The following OXR1 variants were observed in gnomAD, a reference collection of about 807,000 sequenced individuals.
OXR1 encodes oxidation resistance 1.
Under a neutral mutation model 104.6 loss-of-function variants are expected in OXR1, and 41 were observed. The observed-to-expected ratio is 0.39, with a 90% CI of 0.31 to 0.51. The LOEUF is 0.51. OXR1 is among the 20% of genes least tolerant of loss of function. The probability of loss-of-function intolerance (pLI) is 0.77; values close to 1 mark genes in which losing one functional copy is unlikely to be tolerated. For synonymous variants in OXR1, 348 were observed against 348.4 expected (o/e 1.00, Z 0.01); for missense variants, 955 against 1,031.9 (o/e 0.93, Z 1.02).
intron 1 of OXR1, among the ~76,000 whole-genome samples, chr8:106,353,693 G>A (rs1815835882): frequency 6.6e-6 from 1 of 151,910 alleles, no homozygotes; most frequent in South Asian, 2.1e-4. Context: ...GCTAAATCAA[G>A]CTAATGAACA....
chr8:106,532,739 A>G (rs1814186917), intron 3 of OXR1, among the ~76,000 whole-genome samples: 1 of 152,230 alleles, frequency 6.6e-6, no homozygotes, highest in Non-Finnish European at 1.5e-5. Flanking sequence ...ACTTGAAGCC[A>G]TAGAAGCTAA....
At chr8:106,297,215 T>G (rs1212943033) in intron 1 of OXR1, among the ~76,000 whole-genome samples, 1 of 152,194 alleles carries the variant, frequency 6.6e-6, no homozygotes, top group East Asian at 1.9e-4. Context: ...ATGAATGGAC[T>G]CAGATTTTAT....
intron 2 of OXR1, among the ~76,000 whole-genome samples, chr8:106,426,549 T>C (rs1348905913): frequency 2.0e-5 from 3 of 152,220 alleles, no homozygotes; most frequent in Admixed American, 2.0e-4. Flanking sequence ...TTGAGTAATT[T>C]CTGACTTCAT....
chr8:106,572,820 G>A (rs950753101), intron 3 of OXR1, among the ~76,000 whole-genome samples: 8 of 152,118 alleles, frequency 5.3e-5, no homozygotes, highest in Non-Finnish European at 2.9e-5. Context: ...ACTTCCACGT[G>A]TTTAAGTATT....
intron 10 of OXR1, among the ~76,000 whole-genome samples, chr8:106,711,965 CAT>C (rs1331643529): frequency 6.6e-6 from 1 of 152,056 alleles, no homozygotes; most frequent in African/African-American, 2.4e-5. Flanking sequence ...AGTAAAATAT[CAT>C]AGGAAATGCC....
intron 1 of OXR1, among the ~76,000 whole-genome samples, chr8:106,306,706 C>T (rs1563707792): frequency 6.6e-6 from 1 of 152,078 alleles, no homozygotes; most frequent in African/African-American, 2.4e-5. Flanking sequence ...CTAGAACAGA[C>T]ATCAGAAGAG....
chr8:106,463,210 T>C (rs1431487306), intron 2 of OXR1, among the ~76,000 whole-genome samples: 1 of 152,118 alleles, frequency 6.6e-6, no homozygotes, highest in Non-Finnish European at 1.5e-5. Context: ...CTCGATGCTC[T>C]CCTTACTTAA....
chr8:106,437,522 G>A (rs1819626559), intron 2 of OXR1, among the ~76,000 whole-genome samples: 1 of 152,162 alleles, frequency 6.6e-6, no homozygotes, highest in Non-Finnish European at 1.5e-5. Context: ...CTGATTTAGA[G>A]GACAGTACTC....
chr8:106,497,802 G>GTGTA (rs1811513730), intron 2 of OXR1, among the ~76,000 whole-genome samples: 1 of 145,210 alleles, frequency 6.9e-6, no homozygotes, highest in Non-Finnish European at 1.5e-5. Context: ...GTGTGTGTGT[G>GTGTA]TGTGCACACG....
intron 3 of OXR1, among the ~76,000 whole-genome samples, chr8:106,547,495 T>TC (rs1269547932): frequency 2.4e-5 from 3 of 125,854 alleles, no homozygotes; most frequent in African/African-American, 8.5e-5. Context: ...TTTCTTTCTT[T>TC]TTTTTTTTTT....
Position 106,706,555 on chromosome 8 carries a change from C to A in OXR1, c.1034C>A (p.Ser345Tyr), listed in dbSNP as rs1831162541. 1 of 1,610,336 alleles carries A rather than the reference C, an allele frequency of 6.2e-7. No homozygotes were observed. The highest frequency in any genetic ancestry group is 1.3e-5 in the African/African-American group (1 of 74,558). The change falls in exon 9 of 17, where the codon TCC (serine) becomes TAC (tyrosine). Residue 345 changes from serine (S) to tyrosine (Y), a missense_variant. By Grantham distance (144) the Ser-to-Tyr change is moderately radical. Transcript: ENST00000517566. ...SEDVFTESEL[S>Y]PIREELVSSD... ...GATGTGTTCACAGAATCAGAACTTT[C>A]CCCTATACGAGAGGAGCTTGTATCT...
At chr8:106,621,482 TG>T (rs1326637524) in intron 3 of OXR1, among the ~76,000 whole-genome samples, 2 of 151,754 alleles carry the variant, frequency 1.3e-5, no homozygotes, top group Admixed American at 6.6e-5. Flanking sequence ...TGAATTGTAT[TG>T]GTTTTCACAG....
intron 2 of OXR1, among the ~76,000 whole-genome samples, chr8:106,433,060 A>T (rs548697838): frequency 1.3e-5 from 2 of 152,302 alleles, no homozygotes; most frequent in South Asian, 4.1e-4. Flanking sequence ...ATAAAGAGTA[A>T]TTCACTCAGA....
rs537153107 is a variant in OXR1 at position 106,624,551 on chromosome 8, G to A, written c.221-54659G>A. On this transcript the variant is annotated intron_variant, in intron 3 of 16. Coordinates refer to ENST00000517566, the MANE Select transcript of OXR1 (RefSeq NM_001198533.2). Reference sequence around the variant, plus strand: ...ACCAGTAAGATGGGACAGAGTGGTAGGGGTACAAAAATGAGGTCTCAGAGA... The same window carrying A: ...ACCAGTAAGATGGGACAGAGTGGTAAGGGTACAAAAATGAGGTCTCAGAGA... Among the ~76,000 whole-genome samples, 5 of 152,248 alleles carry A rather than the reference G, an allele frequency of 3.3e-5. No individual in the cohort carries two copies. The East Asian group carries it at 9.7e-4, about 29-fold the overall frequency.
intron 3 of OXR1, among the ~76,000 whole-genome samples, chr8:106,632,619 A>G (rs1361199126): frequency 6.6e-6 from 1 of 151,406 alleles, no homozygotes; most frequent in Non-Finnish European, 1.5e-5. Flanking sequence ...CTTTTTTTTT[A>G]TTTCAATTGT....
At chr8:106,390,850 T>C (rs563487588) in intron 2 of OXR1, among the ~76,000 whole-genome samples, 2 of 152,192 alleles carry the variant, frequency 1.3e-5, no homozygotes, top group East Asian at 3.9e-4. Flanking sequence ...TCCAATATAG[T>C]TTGGTCTTAA....
chr8:106,386,618 T>G (rs1224829154), intron 2 of OXR1, among the ~76,000 whole-genome samples: 4 of 152,312 alleles, frequency 2.6e-5, no homozygotes, highest in African/African-American at 9.6e-5. Context: ...GTCTTTGTTT[T>G]TCTTCTCCTG....
intron 2 of OXR1, among the ~76,000 whole-genome samples, chr8:106,475,951 C>A (rs1563547214): frequency 2.0e-5 from 3 of 151,508 alleles, no homozygotes; most frequent in South Asian, 4.1e-4. Context: ...GTCATAAATT[C>A]TATAGAGTTG....
intron 3 of OXR1, among the ~76,000 whole-genome samples, chr8:106,576,466 C>CAAAAAAAA (rs55917847): frequency 1.8e-5 from 2 of 112,444 alleles, no homozygotes; most frequent in Non-Finnish European, 3.6e-5. Context: ...CACAGTTATT[C>CAAAAAAAA]AAAAAAAAAA....
Sources: gnomAD v4.1 joint callset for allele counts (sites outside exome capture counted in the v4.1 genomes callset) on GRCh38, gnomAD v4.1.1 for gene constraint, MANE v1.5 for transcripts, NCBI Gene and HGNC (gene_info 2026-07-23, HGNC 2026-07-21) for gene names.